The following BCAS3 variants were observed in gnomAD, a reference collection of about 807,000 sequenced individuals.
The protein encoded by BCAS3 is BCAS4/BCAS3 fusion.
In BCAS3, 53 loss-of-function variants were observed where a neutral mutation model predicts 116.1. That is an observed-to-expected ratio of 0.46 (90% CI 0.37 to 0.57). The LOEUF (loss-of-function observed/expected upper bound fraction) is 0.57, where lower values mean the gene tolerates loss of function less well. Ranked by LOEUF, BCAS3 falls within the 20% of genes least tolerant of loss-of-function variation. The pLI, the probability that BCAS3 is intolerant of heterozygous loss-of-function variation, is 0.00. For synonymous variants in BCAS3, 391 were observed against 408.2 expected, an observed-to-expected ratio of 0.96 and a Z score of 0.51; for missense variants, 917 against 1,165.4, an observed-to-expected ratio of 0.79 and a Z score of 3.10.
intron 22 of BCAS3, among the ~76,000 whole-genome samples, chr17:61,117,773 A>ACCC (rs771697803): frequency 1.3e-5 from 2 of 152,044 alleles, no homozygotes; most frequent in African/African-American, 2.4e-5. Context: ...ACTCCCTGCC[A>ACCC]CCCCCTACAT....
At position 60,990,803 on chromosome 17, in the gene BCAS3, C is replaced by T. The variant is rs191547659; in HGVS notation, c.1486+568C>T. 2.6e-5 allele frequency among the ~76,000 whole-genome samples: 4 copies of T among 152,224 alleles called. No homozygotes were observed. Among genetic ancestry groups the T allele is most frequent in the East Asian group, 1.9e-4 (1 of 5,172 alleles). ...CTGGGATTACAGGCATCCGCCACCACGCCTGGCTGATTTTCAGTATTTTTA... is the reference window on the plus strand; with the variant it reads ...CTGGGATTACAGGCATCCGCCACCATGCCTGGCTGATTTTCAGTATTTTTA... On this transcript the variant is annotated intron_variant, in intron 15 of 23. Transcript: ENST00000407086. The surrounding 1 kb of genome is among the most constrained non-coding windows in gnomAD (Gnocchi z 5.1).
intron 22 of BCAS3, among the ~76,000 whole-genome samples, chr17:61,262,953 A>G (rs1362536150): frequency 6.6e-6 from 1 of 152,152 alleles, no homozygotes; most frequent in African/African-American, 2.4e-5. Context: ...CAGCCTCCCA[A>G]AGTGCTGGGA....
In BCAS3 at chr17:61,026,832, A is replaced by AT. The variant is rs1173658406; in HGVS notation, c.1638-7828dup. On this transcript the variant is annotated intron_variant, in intron 16 of 23. Transcript: ENST00000407086. The surrounding 1 kb of genome is among the most constrained non-coding windows in gnomAD (Gnocchi z 5.0). ...CTAATGTTAAATGAGTTTTTCTCTA[A>AT]TTTTTTGTGCATTTTTCCCCCTTTT... The AT allele has an allele frequency of 1.8e-5, 29 of 1,573,628 alleles. No individual in the cohort carries two copies. The highest frequency in any genetic ancestry group is 2.3e-5 in the Non-Finnish European group (27 of 1,156,212).
rs2061700567 is a variant in BCAS3 at position 60,967,098 on chromosome 17, T to A, written c.1221+19746T>A. Among the ~76,000 whole-genome samples, 1 of 152,256 alleles carries A rather than the reference T, an allele frequency of 6.6e-6. No individual in the cohort carries two copies. Among genetic ancestry groups the A allele is most frequent in the Non-Finnish European group, 1.5e-5 (1 of 68,046 alleles). On this transcript the variant is annotated intron_variant, in intron 14 of 23. Coordinates refer to ENST00000407086, the MANE Select transcript of BCAS3 (RefSeq NM_017679.5). The surrounding 1 kb of genome is among the most constrained non-coding windows in gnomAD (Gnocchi z 4.7). ...GTGGATTGTACACCACCATTTCAGTTATAGAGTATTTTGTGTTTCACCATG... is the reference window on the plus strand; with the variant it reads ...GTGGATTGTACACCACCATTTCAGTAATAGAGTATTTTGTGTTTCACCATG...
intron 10 of BCAS3, among the ~76,000 whole-genome samples, chr17:60,897,960 G>A (rs1244983915): frequency 6.7e-6 from 1 of 150,240 alleles, no homozygotes; most frequent in African/African-American, 2.4e-5. Context: ...AACTGGTCTT[G>A]AACTTCTGGG....
In BCAS3 at chr17:61,140,474, A is replaced by G. The variant is rs1436944970; in HGVS notation, c.2425+55910A>G. Among the ~76,000 whole-genome samples the G allele has an allele frequency of 2.6e-5, 4 of 152,244 alleles. No individual in the cohort carries two copies. The highest frequency in any genetic ancestry group is 5.9e-5 in the Non-Finnish European group (4 of 68,036). ...AGTATTCTGGCAGCAGGATTGAAAC[A>G]TTAAAGAAAAGTAACCCTGTTAAGT... On this transcript the variant is annotated intron_variant, in intron 22 of 23. Coordinates refer to ENST00000407086, the MANE Select transcript of BCAS3 (RefSeq NM_017679.5). The surrounding 1 kb of genome is among the most constrained non-coding windows in gnomAD (Gnocchi z 4.2).
intron 23 of BCAS3, chr17:61,384,042 T>C (rs2059728830): frequency 6.6e-6 from 1 of 152,280 alleles, no homozygotes; most frequent in Admixed American, 6.5e-5. Flanking sequence ...CCAAGCCCTG[T>C]CCCCTCTTCA....
intron 7 of BCAS3, among the ~76,000 whole-genome samples, chr17:60,838,803 G>A (rs1465810070): frequency 2.0e-5 from 3 of 152,138 alleles, no homozygotes; most frequent in African/African-American, 7.2e-5. Context: ...ACTTATGCAT[G>A]GTTTTTGTTG....
chr17:61,272,877 T>A (rs1227205858), intron 22 of BCAS3, among the ~76,000 whole-genome samples: 1 of 152,006 alleles, frequency 6.6e-6, no homozygotes, highest in African/African-American at 2.4e-5. Flanking sequence ...TGGTCTCTCT[T>A]CACTGTCACG....
rs2063437337 is a variant in BCAS3 at position 60,990,219 on chromosome 17, T to C, written c.1470T>C (p.Ser490=). ...SPVPGLSSSP[S]GSPLHGKLNS... Reference sequence around the variant, plus strand: ...TTCCAGGTCTATCAAGCAGCCCTTCTGGGTCACCCTTGCATGGTAATTTTC... The same window carrying C: ...TTCCAGGTCTATCAAGCAGCCCTTCCGGGTCACCCTTGCATGGTAATTTTC... Residue 490 remains serine (S), a synonymous_variant, in exon 15 of 24, where the codon TCT becomes TCC. Transcript: ENST00000407086. This position sits in a 1 kb window ranked among gnomAD's most constrained non-coding sequence, Gnocchi z 5.1. The C allele has an allele frequency of 1.2e-6, 2 of 1,613,830 alleles. No homozygotes were observed. Among genetic ancestry groups the C allele is most frequent in the African/African-American group, 1.3e-5 (1 of 74,950 alleles).
rs944109596 is a variant in BCAS3 at position 61,083,750 on chromosome 17, C to T, written c.2328-717C>T. On this transcript the variant is annotated intron_variant, in intron 21 of 23. Coordinates refer to ENST00000407086, the MANE Select transcript of BCAS3 (RefSeq NM_017679.5). This position sits in a 1 kb window ranked among gnomAD's most constrained non-coding sequence, Gnocchi z 4.9. ...AGCTGGGACTATAGGTGCATGCCAC[C>T]ACACCCGGCTAATTTTTGCATTTTT... 6.6e-6 allele frequency among the ~76,000 whole-genome samples: 1 copy of T among 152,032 alleles called. No homozygotes were observed. The highest frequency in any genetic ancestry group is 2.1e-4 in the South Asian group (1 of 4,814).
At chr17:61,062,458 C>G (rs1414915278) in intron 19 of BCAS3, among the ~76,000 whole-genome samples, 1 of 152,074 alleles carries the variant, frequency 6.6e-6, no homozygotes, top group African/African-American at 2.4e-5. Flanking sequence ...TGATACAATT[C>G]TTTAAAATAG....
intron 6 of BCAS3, among the ~76,000 whole-genome samples, chr17:60,790,743 T>G (rs1054939453): frequency 2.1e-5 from 2 of 94,832 alleles, no homozygotes; most frequent in African/African-American, 1.2e-4. Context: ...TTTGTAGGTT[T>G]TTTTTTTTTT....
chr17:61,149,312 C>A (rs2077416732), intron 22 of BCAS3, among the ~76,000 whole-genome samples: 1 of 151,908 alleles, frequency 6.6e-6, no homozygotes, highest in African/African-American at 2.4e-5. Flanking sequence ...AAAGCTGGTT[C>A]CATAGCATAA....
chr17:61,141,559 AAAAAT>A lies in BCAS3; in HGVS notation c.2425+57005_2425+57009del, dbSNP rs553066540. ...GGCGGCAGAGCGAGACCCTGTCTCA[AAAAAT>A]AAAATAAAAGTTGAATCACCCACGT... On this transcript the variant is annotated intron_variant, in intron 22 of 23. Coordinates refer to ENST00000407086, the MANE Select transcript of BCAS3 (RefSeq NM_017679.5). The surrounding 1 kb of genome is among the most constrained non-coding windows in gnomAD (Gnocchi z 4.3). 1.8e-3 allele frequency among the ~76,000 whole-genome samples: 268 copies of A among 151,764 alleles called. 2 individuals are homozygous for A. Among genetic ancestry groups the A allele is most frequent in the Middle Eastern group, 0.01 (3 of 294 alleles).
At chr17:60,728,291 C>T (rs1237534045) in intron 5 of BCAS3, among the ~76,000 whole-genome samples, 3 of 151,992 alleles carry the variant, frequency 2.0e-5, no homozygotes, top group African/African-American at 7.3e-5. Flanking sequence ...CATTCTTTTG[C>T]CTTTTCCATG....
At chr17:60,823,383 A>G (rs1395004574) in intron 7 of BCAS3, among the ~76,000 whole-genome samples, 1 of 152,034 alleles carries the variant, frequency 6.6e-6, no homozygotes, top group African/African-American at 2.4e-5. Flanking sequence ...AACTTTAATC[A>G]TTTTTCAAAA....
rs2075955631 is a variant in BCAS3, at chr17:61,124,419, TTTG to T, written c.2425+39858_2425+39860del. ...TATAACAATGCATCTTTTTATTTAGTTTGTTAACTACATTCTATTGTAGAACTG... is the reference window on the plus strand; with the variant it reads ...TATAACAATGCATCTTTTTATTTAGTTTAACTACATTCTATTGTAGAACTG... On this transcript the variant is annotated intron_variant, in intron 22 of 23. Coordinates refer to ENST00000407086, the MANE Select transcript of BCAS3 (RefSeq NM_017679.5). The surrounding 1 kb of genome is among the most constrained non-coding windows in gnomAD (Gnocchi z 4.6). 6.6e-6 allele frequency among the ~76,000 whole-genome samples: 1 copy of T among 152,210 alleles called. No homozygotes were observed. The highest frequency in any genetic ancestry group is 1.5e-5 in the Non-Finnish European group (1 of 68,042).
intron 5 of BCAS3, among the ~76,000 whole-genome samples, chr17:60,737,692 T>A (rs940210310): frequency 1.3e-5 from 2 of 151,984 alleles, no homozygotes; most frequent in African/African-American, 4.8e-5. Context: ...CTTCAAATAT[T>A]TGGTTATTTT....
Sources: gnomAD v4.1 joint callset for allele counts (sites outside exome capture counted in the v4.1 genomes callset) on GRCh38, gnomAD v4.1.1 for gene constraint, Gnocchi (gnomAD v3.1) non-coding constraint, MANE v1.5 for transcripts, NCBI Gene and HGNC (gene_info 2026-07-23, HGNC 2026-07-21) for gene names.